Variants in ADCY8 observed in about 807,000 individuals in gnomAD.
ADCY8 encodes the protein adenylate cyclase 8, also known as adenylate cyclase type 8.
Under a neutral mutation model 119.7 loss-of-function variants are expected in ADCY8, and 51 were observed. The ratio of observed to expected loss-of-function variants is 0.43; its 90% CI spans 0.34 to 0.54. The LOEUF is 0.54. Among genes scored for constraint, ADCY8 ranks in the 20% least tolerant of loss-of-function variants. The pLI is 0.03. For synonymous variants in ADCY8, 665 were observed against 651.0 expected (o/e 1.02, Z -0.33); for missense variants, 1,383 against 1,598.8 (o/e 0.87, Z 2.30).
At chr8:130,859,479 T>C (rs1019350907) in intron 9 of ADCY8, among the ~76,000 whole-genome samples, 1 of 152,242 alleles carries the variant, frequency 6.6e-6, no homozygotes, top group African/African-American at 2.4e-5. Flanking sequence ...AGTGCTTAAG[T>C]GCAGTTTCTC....
intron 2 of ADCY8, among the ~76,000 whole-genome samples, chr8:130,976,081 A>G (rs1419634343): frequency 3.9e-5 from 6 of 152,190 alleles, no homozygotes; most frequent in Non-Finnish European, 8.8e-5. Context: ...AGACCTTTAC[A>G]TTGTAAGTTT....
In ADCY8 at chr8:130,847,435, A is replaced by T. The variant is rs757554640; in HGVS notation, c.2491T>A (p.Ser831Thr). Residue 831 changes from serine (S) to threonine (T), a missense_variant, in exon 11 of 18, where the codon TCC becomes ACC. Transcript: ENST00000286355. ...NSSAVFTDIC[S>T]YPEYFVFTGV... ...TCATAAATAAATACCTCTGGGTAGG[A>T]GCAGATATCTGTAAACACAGCTGAG... 2.5e-6 allele frequency: 4 copies of T among 1,612,244 alleles called. No individual in the cohort carries two copies. The African/African-American group carries it at 5.3e-5, about 22-fold the overall frequency.
chr8:130,979,447 T>C (rs1195524500), intron 2 of ADCY8, among the ~76,000 whole-genome samples: 1 of 152,228 alleles, frequency 6.6e-6, no homozygotes, highest in African/African-American at 2.4e-5. Context: ...GGCAATATGT[T>C]CTTCTTATTG....
chr8:130,913,418 C>T (rs1368227820), intron 5 of ADCY8, among the ~76,000 whole-genome samples: 1 of 151,992 alleles, frequency 6.6e-6, no homozygotes, highest in Non-Finnish European at 1.5e-5. Context: ...TTTTTAGATT[C>T]TGCAAATAAG....
chr8:130,964,343 C>T (rs1430866764), intron 2 of ADCY8, among the ~76,000 whole-genome samples: 1 of 152,208 alleles, frequency 6.6e-6, no homozygotes, highest in African/African-American at 2.4e-5. Context: ...CCTACAGCTT[C>T]TATTCTATCT....
At chr8:130,975,792 A>G (rs72716415) in intron 2 of ADCY8, among the ~76,000 whole-genome samples, 1,701 of 152,342 alleles carry the variant, frequency 0.011, 12 homozygotes, top group Middle Eastern at 0.02. Context: ...TACAGTTAAC[A>G]GTCTCTCAGA....
At chr8:130,798,053 T>A (rs1486362795) in intron 15 of ADCY8, among the ~76,000 whole-genome samples, 1 of 152,250 alleles carries the variant, frequency 6.6e-6, no homozygotes, top group Non-Finnish European at 1.5e-5. Flanking sequence ...TGAAGGCTAA[T>A]AATTCCTAGC....
intron 11 of ADCY8, among the ~76,000 whole-genome samples, chr8:130,838,514 G>GAGTTTTCAGAGGA (rs1817054436): frequency 8.3e-5 from 8 of 96,170 alleles, no homozygotes; most frequent in Admixed American, 2.2e-4. Flanking sequence ...GAAACTCTAA[G>GAGTTTTCAGAGGA]GCCCTCCAGT....
chr8:130,808,850 C>T (rs950511289), intron 14 of ADCY8, among the ~76,000 whole-genome samples: 1 of 151,942 alleles, frequency 6.6e-6, no homozygotes, highest in African/African-American at 2.4e-5. Flanking sequence ...GCTGTGTGGA[C>T]TCTCCAGCAC....
chr8:130,990,664 C>T (rs1172709475), intron 1 of ADCY8, 122 bp from the exon 2 acceptor site: 6 of 1,286,306 alleles, frequency 4.7e-6, no homozygotes, highest in East Asian at 2.4e-5. Context: ...TATGTTTAAT[C>T]GCATGTTTGT....
In ADCY8 at chr8:131,040,548, C is replaced by G. The variant is rs373371310; in HGVS notation, c.-215G>C. 1.4e-4 allele frequency: 62 copies of G among 450,366 alleles called. 3 individuals are homozygous for G. Among genetic ancestry groups the G allele is most frequent in the East Asian group, 7.3e-4 (20 of 27,572 alleles). 27.9% of individuals were successfully genotyped at this position (450,366 alleles called of 1,614,324 possible). On this transcript the variant is annotated 5_prime_UTR_variant, in exon 1 of 18. Transcript: ENST00000286355. ...CCTGGAAGATCGCGGCGGACCTCGG[C>G]GTCCTTGCGTGCTGCTCTCCCGCCA...
intron 1 of ADCY8, among the ~76,000 whole-genome samples, chr8:131,023,849 T>C (rs892864707): frequency 1.3e-5 from 2 of 152,172 alleles, no homozygotes; most frequent in African/African-American, 4.8e-5. Context: ...TGGGTCTTTT[T>C]TGTAGGATGT....
At chr8:130,957,041 C>G (rs1354656299) in intron 2 of ADCY8, among the ~76,000 whole-genome samples, 2 of 152,146 alleles carry the variant, frequency 1.3e-5, no homozygotes, top group Admixed American at 1.3e-4. Context: ...TGAAAAGATA[C>G]CCCAAAATGT....
At chr8:130,845,507 C>T (rs376083908) in intron 11 of ADCY8, among the ~76,000 whole-genome samples, 22 of 152,256 alleles carry the variant, frequency 1.4e-4, no homozygotes, top group East Asian at 9.7e-4. Context: ...TGATTGGAAA[C>T]GAAAACCAGC....
intron 8 of ADCY8, among the ~76,000 whole-genome samples, chr8:130,871,153 A>G (rs1003395752): frequency 1.3e-5 from 2 of 152,234 alleles, no homozygotes; most frequent in Non-Finnish European, 2.9e-5. Flanking sequence ...ATGATAGAGT[A>G]CTGAGATTGA....
intron 8 of ADCY8, among the ~76,000 whole-genome samples, chr8:130,883,743 A>T (rs1345001768): frequency 6.6e-6 from 1 of 152,136 alleles, no homozygotes; most frequent in African/African-American, 2.4e-5. Flanking sequence ...TTCTATCAGC[A>T]CAAAGGAGCA....
At chr8:130,845,774 G>C (rs1817277437) in intron 11 of ADCY8, among the ~76,000 whole-genome samples, 1 of 151,988 alleles carries the variant, frequency 6.6e-6, no homozygotes, top group Non-Finnish European at 1.5e-5. Flanking sequence ...CTAGGGACCA[G>C]GGAAGATAAA....
At chr8:130,889,807 C>T (rs1563714954) in intron 7 of ADCY8, among the ~76,000 whole-genome samples, 1 of 152,168 alleles carries the variant, frequency 6.6e-6, no homozygotes, top group African/African-American at 2.4e-5. Context: ...GGACACCTAA[C>T]ATAATCTGAC....
chr8:130,846,891 CCTT>C (rs1563689850), intron 11 of ADCY8, among the ~76,000 whole-genome samples: 2,657 of 53,662 alleles, frequency 0.05, 258 homozygotes, highest in Middle Eastern at 0.081. Flanking sequence ...CCTTCCCTTT[CCTT>C]CCTTCCTTCC....
Sources: allele counts gnomAD v4.1 joint callset (sites outside exome capture counted in the v4.1 genomes callset), GRCh38; gene constraint gnomAD v4.1.1; transcripts MANE v1.5; gene names NCBI Gene and HGNC (gene_info 2026-07-23, HGNC 2026-07-21).